The following TFEC variants were observed in gnomAD, a reference collection of about 807,000 sequenced individuals.
TFEC encodes class E basic helix-loop-helix protein 34.
Under a neutral mutation model 41.6 loss-of-function variants are expected in TFEC, and 31 were observed. The ratio of observed to expected loss-of-function variants is 0.74; its 90% CI spans 0.56 to 1.01. The LOEUF (loss-of-function observed/expected upper bound fraction) is 1.01, where lower values mean the gene tolerates loss of function less well. Ranked by LOEUF, TFEC falls within the 50% of genes least tolerant of loss-of-function variation. TFEC has a pLI of 0.00. For missense variants in TFEC, 402 were observed against 404.1 expected (o/e 0.99, Z 0.04); for synonymous variants, 143 against 140.6 (o/e 1.02, Z -0.12).
intron 1 of TFEC, among the ~76,000 whole-genome samples, chr7:116,143,151 C>A (rs1275559967): frequency 1.3e-5 from 2 of 152,100 alleles, no homozygotes; most frequent in Non-Finnish European, 2.9e-5. Flanking sequence ...TAATGGTGAC[C>A]ACTGGGACAA....
chr7:115,940,900 A>G lies in TFEC; in HGVS notation c.695T>C (p.Leu232Pro). 1 of 1,608,060 alleles carries G rather than the reference A, an allele frequency of 6.2e-7. No homozygotes were observed. Among genetic ancestry groups the G allele is most frequent in the South Asian group, 1.1e-5 (1 of 90,460 alleles). ...CGTGCCAAGTGAAGCCAGGGTTGGC[A>G]GACCATGAGTACGAGCCTGAATTTC... ...ELEIQARTHG[L>P]PTLASLGTVD... The change falls in exon 8 of 8, where the codon CTG becomes CCG. Residue 232 changes from leucine (L) to proline (P), a missense_variant. Transcript: ENST00000265440.
In TFEC at chr7:115,984,343, C is replaced by A. The variant is rs767594233; in HGVS notation, c.99G>T (p.Leu33=). Reference sequence around the variant, plus strand: ...TTTCTGTGAGGCCAGCATCACTGTCCAGAGTTGTGTGTGCATGCTGCACAA... The same window carrying A: ...TTTCTGTGAGGCCAGCATCACTGTCAAGAGTTGTGTGTGCATGCTGCACAA... ...GPLVQHAHTT[L]DSDAGLTENP... The change falls in exon 2 of 8, where the codon CTG becomes CTT. Residue 33 remains leucine, a synonymous_variant. Transcript: ENST00000265440. The A allele has an allele frequency of 1.2e-6, 2 of 1,613,954 alleles. No individual in the cohort carries two copies. The highest frequency in any genetic ancestry group is 1.7e-5 in the Admixed American group (1 of 59,982).
At chr7:116,051,126 A>C (rs967709734) in intron 3 of TFEC, among the ~76,000 whole-genome samples, 3 of 152,018 alleles carry the variant, frequency 2.0e-5, no homozygotes, top group African/African-American at 7.3e-5. Flanking sequence ...GGTGGGGAAC[A>C]TCACACACTG....
intron 2 of TFEC, among the ~76,000 whole-genome samples, chr7:115,974,818 A>G (rs1793310175): frequency 1.3e-5 from 2 of 152,002 alleles, no homozygotes; most frequent in African/African-American, 4.8e-5. Context: ...GACCAATAAT[A>G]ATAGGTAATA....
Position 115,974,192 on chromosome 7 carries a change from G to A in TFEC, c.245C>T (p.Ser82Phe). The change falls in exon 3 of 8, where the codon TCT becomes TTT. Residue 82 changes from serine to phenylalanine, a missense_variant. Ser to Phe is a radical substitution (Grantham distance 155). Transcript: ENST00000265440. ...TACTGTTCTTTGCATTAGCAGAGGA[G>A]AGTCTGCTCCTTCCTCTTTAAAACT... is the stretch of plus-strand genomic sequence containing the variant. ...ESSFKEEGAD[S>F]PLLMQRTLSG... 1.3e-6 allele frequency: 2 copies of A among 1,594,910 alleles called. No individual in the cohort carries two copies. The highest frequency in any genetic ancestry group is 1.4e-5 in the African/African-American group (1 of 73,748).
chr7:116,126,214 T>A (rs970081253), intron 1 of TFEC, among the ~76,000 whole-genome samples: 22 of 152,148 alleles, frequency 1.4e-4, no homozygotes, highest in African/African-American at 4.3e-4. Flanking sequence ...CTGAAATTGA[T>A]AACCTCAAAA....
chr7:116,021,537 A>G (rs760710285), intron 1 of TFEC, among the ~76,000 whole-genome samples: 1 of 152,218 alleles, frequency 6.6e-6, no homozygotes, highest in Admixed American at 6.5e-5. Context: ...CAAAGCTGCA[A>G]TGTGTCACTT....
chr7:116,033,709 C>T (rs768097706), upstream of TFEC, among the ~76,000 whole-genome samples: 1 of 152,106 alleles, frequency 6.6e-6, no homozygotes. Context: ...GCCCTCCTCT[C>T]ACCTGTAATC....
intron 1 of TFEC, chr7:116,120,176 G>T (rs1798080563): frequency 6.6e-6 from 1 of 151,854 alleles, no homozygotes; most frequent in South Asian, 2.1e-4. Flanking sequence ...ATGCTTTCTA[G>T]CTTGTTCTGT....
chr7:116,058,987 A>C (rs1183482938), intron 3 of TFEC, among the ~76,000 whole-genome samples: 1 of 151,816 alleles, frequency 6.6e-6, no homozygotes, highest in Non-Finnish European at 1.5e-5. Flanking sequence ...ACATTAGAAA[A>C]AGGAGATAGA....
intron 3 of TFEC, among the ~76,000 whole-genome samples, chr7:116,071,034 G>C (rs766002297): frequency 1.3e-5 from 2 of 151,194 alleles, no homozygotes; most frequent in Non-Finnish European, 3.0e-5. Flanking sequence ...TTAAAGAAAA[G>C]AAAGACAAAG....
chr7:116,092,206 A>G lies in TFEC; in HGVS notation c.198+18502T>C, dbSNP rs183739148. On this transcript the variant is annotated intron_variant, in intron 3 of 8. Transcript: ENST00000484212. Reference sequence around the variant, plus strand: ...CAGTGAATTCCCCTGTGAACTCGAAAGCACTTTCACATTGCCCTAAGGTTC... The same window carrying G: ...CAGTGAATTCCCCTGTGAACTCGAAGGCACTTTCACATTGCCCTAAGGTTC... Among the ~76,000 whole-genome samples the G allele has an allele frequency of 2.6e-4, 40 of 152,302 alleles. No homozygotes were observed. The East Asian group carries it at 5.2e-3, about 20-fold the overall frequency.
intron 1 of TFEC, among the ~76,000 whole-genome samples, chr7:116,007,735 A>G (rs1258107046): frequency 1.3e-5 from 2 of 152,216 alleles, no homozygotes; most frequent in Non-Finnish European, 2.9e-5. Flanking sequence ...GAAGGATGCC[A>G]TCAACCCCAT....
chr7:116,127,543 C>T (rs1798239941), intron 1 of TFEC, among the ~76,000 whole-genome samples: 1 of 152,118 alleles, frequency 6.6e-6, no homozygotes, highest in Admixed American at 6.6e-5. Flanking sequence ...TACCTCTAGA[C>T]TTTCTAACAA....
At chr7:116,154,333 C>T (rs1439527111) in intron 1 of TFEC, among the ~76,000 whole-genome samples, 1 of 152,166 alleles carries the variant, frequency 6.6e-6, no homozygotes, top group African/African-American at 2.4e-5. Context: ...CCATTCCTCA[C>T]TTTCTTCAGA....
chr7:115,959,993 T>C (rs1249051589), intron 3 of TFEC, among the ~76,000 whole-genome samples: 2 of 151,572 alleles, frequency 1.3e-5, no homozygotes, highest in Non-Finnish European at 1.5e-5. Context: ...GGCGACAGTA[T>C]TTTATTTCAC....
At chr7:115,994,528 C>T (rs1794274400) in intron 1 of TFEC, among the ~76,000 whole-genome samples, 1 of 152,088 alleles carries the variant, frequency 6.6e-6, no homozygotes, top group Non-Finnish European at 1.5e-5. Context: ...CAAACAACCC[C>T]ATCAAAAAGT....
At chr7:116,139,984 C>A (rs1798508801) in intron 1 of TFEC, among the ~76,000 whole-genome samples, 1 of 152,098 alleles carries the variant, frequency 6.6e-6, no homozygotes, top group Non-Finnish European at 1.5e-5. Context: ...ATAAACAAAG[C>A]AAAAGGGAGC....
chr7:115,940,535 T>C lies in TFEC; in HGVS notation c.*16A>G. 4 of 1,586,082 alleles carry C rather than the reference T, an allele frequency of 2.5e-6. No individual in the cohort carries two copies. Among genetic ancestry groups the C allele is most frequent in the Non-Finnish European group, 3.4e-6 (4 of 1,163,832 alleles). On this transcript the variant is annotated 3_prime_UTR_variant, in exon 8 of 8. Coordinates refer to ENST00000265440, the MANE Select transcript of TFEC (RefSeq NM_012252.4). ...TAGAATTGCTTTCCAGTTGATGAAT[T>C]GGGTCTGTTTATTTCTTATAATTCA...
Sources: allele counts gnomAD v4.1 joint callset (sites outside exome capture counted in the v4.1 genomes callset), GRCh38; gene constraint gnomAD v4.1.1; transcripts MANE v1.5; gene names NCBI Gene and HGNC (gene_info 2026-07-23, HGNC 2026-07-21).